Variants in SRPK2 observed in about 807,000 individuals in gnomAD.
SRPK2 encodes the protein SRSF protein kinase 2.
In SRPK2, 21 loss-of-function variants were observed where a neutral mutation model predicts 90.8. That is an observed-to-expected ratio of 0.23 (90% CI 0.16 to 0.33). The LOEUF (loss-of-function observed/expected upper bound fraction) is 0.33. Among genes scored for constraint, SRPK2 ranks in the 10% least tolerant of loss-of-function variants. The probability of loss-of-function intolerance (pLI) is 1.00; values close to 1 mark genes in which losing one functional copy is unlikely to be tolerated. For missense variants in SRPK2, 620 were observed against 869.0 expected, an observed-to-expected ratio of 0.71 and a Z score of 3.60; for synonymous variants, 288 against 311.1, an observed-to-expected ratio of 0.93 and a Z score of 0.78.
chr7:105,226,677 C>G (rs1478148570), intron 2 of SRPK2, among the ~76,000 whole-genome samples: 1 of 152,024 alleles, frequency 6.6e-6, no homozygotes, highest in Non-Finnish European at 1.5e-5. Flanking sequence ...AGGATTAAAA[C>G]AAAAGAATAT....
In SRPK2 at chr7:105,204,747, C is replaced by A. The variant is rs554875527; in HGVS notation, c.72-962G>T. 1.6e-5 allele frequency: 10 copies of A among 627,402 alleles called. No individual in the cohort carries two copies. In the East Asian group the frequency reaches 4.3e-4, roughly 27 times the overall value. The allele number at this position is 627,402 out of a possible 1,614,324, so 38.9% of individuals were successfully genotyped here. On this transcript the variant is annotated intron_variant, in intron 2 of 15. Transcript: ENST00000393651. ...AAACATATTGTGGTCTGGTTCTGGT[C>A]AAGCAAAATTCTTTAGCACCAGTTC...
intron 2 of SRPK2, among the ~76,000 whole-genome samples, chr7:105,247,663 AAAG>A (rs1313094347): frequency 9.9e-5 from 15 of 152,144 alleles, no homozygotes; most frequent in African/African-American, 2.9e-4. Flanking sequence ...GCATCACTAA[AAAG>A]AAGAAGTTTA....
chr7:105,274,225 C>A (rs141199613), intron 2 of SRPK2, among the ~76,000 whole-genome samples: 2 of 152,102 alleles, frequency 1.3e-5, no homozygotes, highest in Non-Finnish European at 2.9e-5. Context: ...GACCCTCAAG[C>A]CTCCAAAAAA....
intron 2 of SRPK2, among the ~76,000 whole-genome samples, chr7:105,328,128 G>C (rs1029436981): frequency 6.6e-6 from 1 of 152,108 alleles, no homozygotes; most frequent in Non-Finnish European, 1.5e-5. Context: ...AGACTTCCAG[G>C]GGAGACATAC....
At chr7:105,203,832 G>A (rs1280074927) in intron 2 of SRPK2, 47 bp from the exon 3 acceptor site, 2 of 1,548,056 alleles carry the variant, frequency 1.3e-6, no homozygotes, top group East Asian at 4.9e-5. Context: ...AGTACATCTT[G>A]CATTATGGAT....
At chr7:105,159,168 T>C (rs185874447) in intron 7 of SRPK2, among the ~76,000 whole-genome samples, 4 of 152,014 alleles carry the variant, frequency 2.6e-5, no homozygotes, top group African/African-American at 9.6e-5. Flanking sequence ...GTAACATCTG[T>C]CATGTTACAG....
At position 105,170,945 on chromosome 7, in the gene SRPK2, AAGAAAGAAAGAAAGAAAGAAAG is replaced by A. The variant is rs1563026448; in HGVS notation, c.230-1702_230-1681del. On this transcript the variant is annotated intron_variant, in intron 3 of 15. Coordinates refer to ENST00000393651, the MANE Select transcript of SRPK2 (RefSeq NM_182692.3). ...AAGAAAAAGAAAAAGGAAAGAAAGAAAGAAAGAAAGAAAGAAAGAAAGAGAAAGAAAGAGAAAGAAAGAAAGA... is the reference window on the plus strand; with the variant it reads ...AAGAAAAAGAAAAAGGAAAGAAAGAAAGAAAGAAAGAGAAAGAAAGAAAGA... Among the ~76,000 whole-genome samples the A allele has an allele frequency of 3.2e-4, 13 of 40,208 alleles. 1 individual carries two copies. The highest frequency in any genetic ancestry group is 1.0e-3 in the African/African-American group (13 of 12,724). 26.4% of individuals were successfully genotyped at this position (40,208 alleles called of 152,430 possible). A position where few individuals can be genotyped will look rare whatever the true frequency, so the allele number is the denominator to read the frequency against.
At chr7:105,169,988 G>A (rs1023778939) in intron 3 of SRPK2, among the ~76,000 whole-genome samples, 1 of 151,962 alleles carries the variant, frequency 6.6e-6, no homozygotes, top group African/African-American at 2.4e-5. Flanking sequence ...GCTAATTTTT[G>A]TATTTTTTGT....
At chr7:105,340,115 T>C (rs931357843) in intron 2 of SRPK2, among the ~76,000 whole-genome samples, 2 of 151,782 alleles carry the variant, frequency 1.3e-5, no homozygotes, top group African/African-American at 4.8e-5. Context: ...ATAGTCATTA[T>C]ATGCTTCATC....
chr7:105,243,059 C>A (rs973960890), intron 2 of SRPK2, among the ~76,000 whole-genome samples: 6 of 152,112 alleles, frequency 3.9e-5, no homozygotes, highest in African/African-American at 1.4e-4. Flanking sequence ...GTCACTCAGG[C>A]TGGGGTACAC....
rs1259005512 is a variant in SRPK2 at position 105,143,075 on chromosome 7, C to T, written c.1060+9G>A. On this transcript the variant is annotated intron_variant, in intron 10 of 15. Transcript: ENST00000393651. ...ACCCCATGCAGCCCAGGTTCCAGGC[C>T]CCACTGACCATTGTCCTTTGCAGTC... is the stretch of plus-strand genomic sequence containing the variant. 1.2e-6 allele frequency: 2 copies of T among 1,610,682 alleles called. No individual in the cohort carries two copies. Among genetic ancestry groups the T allele is most frequent in the Non-Finnish European group, 1.7e-6 (2 of 1,177,336 alleles).
intron 10 of SRPK2, 101 bp downstream of exon 10, chr7:105,142,983 T>A (rs1319135040): frequency 1.4e-6 from 2 of 1,458,062 alleles, no homozygotes; most frequent in African/African-American, 2.8e-5. Flanking sequence ...ATCCTTGTCA[T>A]CTGCAGCAGC....
intron 2 of SRPK2, among the ~76,000 whole-genome samples, chr7:105,322,331 C>CA (rs1317394484): frequency 3.9e-5 from 6 of 152,092 alleles, no homozygotes; most frequent in Non-Finnish European, 8.8e-5. Context: ...GCAGGAGAAT[C>CA]GTTTGAAGCC....
intron 2 of SRPK2, among the ~76,000 whole-genome samples, chr7:105,249,874 A>C (rs1486642614): frequency 6.6e-6 from 1 of 152,256 alleles, no homozygotes; most frequent in Non-Finnish European, 1.5e-5. Context: ...AGTAATTCTC[A>C]AATGTGGAGA....
intron 6 of SRPK2, among the ~76,000 whole-genome samples, chr7:105,162,134 T>G (rs915627385): frequency 6.6e-6 from 1 of 152,180 alleles, no homozygotes; most frequent in Non-Finnish European, 1.5e-5. Context: ...CTCCACCTCC[T>G]GGGTTCAAGC....
chr7:105,283,631 T>G (rs1807638706), intron 2 of SRPK2, among the ~76,000 whole-genome samples: 2 of 152,130 alleles, frequency 1.3e-5, no homozygotes, highest in Non-Finnish European at 2.9e-5. Flanking sequence ...GAGGAGTGTT[T>G]GCTAACACAA....
chr7:105,292,699 A>T (rs1585570925), intron 2 of SRPK2, among the ~76,000 whole-genome samples: 2 of 152,172 alleles, frequency 1.3e-5, no homozygotes, highest in African/African-American at 4.8e-5. Context: ...TTACAGACAG[A>T]CTATTGCCTT....
At chr7:105,179,504 A>G (rs186233034) in intron 3 of SRPK2, among the ~76,000 whole-genome samples, 1 of 152,312 alleles carries the variant, frequency 6.6e-6, no homozygotes, top group African/African-American at 2.4e-5. Flanking sequence ...TTCAGGTATG[A>G]TAATTTACAG....
chr7:105,204,464 G>T, intron 2 of SRPK2: 2 of 326,484 alleles, frequency 6.1e-6, no homozygotes, highest in Non-Finnish European at 5.9e-6. Context: ...GGTTCATAAT[G>T]GGATTCACTT....
Sources: allele counts gnomAD v4.1 joint callset (sites outside exome capture counted in the v4.1 genomes callset), GRCh38; gene constraint gnomAD v4.1.1; transcripts MANE v1.5; gene names NCBI Gene and HGNC (gene_info 2026-07-23, HGNC 2026-07-21).